CTNNA3: variants seen among roughly 807,000 people sequenced by gnomAD.
CTNNA3 encodes catenin alpha-3.
Under a neutral mutation model 95.7 loss-of-function variants are expected in CTNNA3, and 76 were observed. That is an observed-to-expected ratio of 0.79 (90% CI 0.66 to 0.96). The LOEUF (loss-of-function observed/expected upper bound fraction) is 0.96. CTNNA3 is among the 40% of genes least tolerant of loss of function. The pLI is 0.00. For synonymous variants in CTNNA3, 431 were observed against 374.4 expected (o/e 1.15, Z -1.74); for missense variants, 1,191 against 1,089.8 (o/e 1.09, Z -1.31).
At chr10:67,160,410 A>C (rs2394355) in intron 7 of CTNNA3, among the ~76,000 whole-genome samples, 41,348 of 148,764 alleles carry the variant, frequency 0.28, 6,670 homozygotes, top group Middle Eastern at 0.51. Flanking sequence ...GAAGAGATAT[A>C]TGCACTCTCA....
intron 4 of CTNNA3, among the ~76,000 whole-genome samples, chr10:67,522,553 C>G (rs1359831337): frequency 6.6e-6 from 1 of 151,952 alleles, no homozygotes; most frequent in African/African-American, 2.4e-5. Flanking sequence ...GTGGCATGTT[C>G]AGCAAACATT....
intron 7 of CTNNA3, among the ~76,000 whole-genome samples, chr10:67,179,189 T>C (rs187604424): frequency 6.6e-6 from 1 of 152,186 alleles, no homozygotes; most frequent in East Asian, 1.9e-4. Context: ...TACATGAATC[T>C]TGAATTCTTC....
Position 67,219,631 on chromosome 10 carries a change from C to T in CTNNA3, c.819G>A (p.Leu273=). The part of the protein sequence containing the change: ...TTPPEPQAAT[L]GSALDELENL... ...CCTCCAGCTCATCAAGGGCACTTCC[C>T]AGGGTTGCTGCCTGAGGTTCTGGTG... is the stretch of plus-strand genomic sequence containing the variant. The change falls in exon 6 of 18, where the codon CTG becomes CTA. Residue 273 remains leucine, a synonymous_variant. Coordinates refer to ENST00000433211, the MANE Select transcript of CTNNA3 (RefSeq NM_013266.4). The T allele has an allele frequency of 6.2e-7, 1 of 1,613,794 alleles. No homozygotes were observed. The highest frequency in any genetic ancestry group is 8.5e-7 in the Non-Finnish European group (1 of 1,179,802).
chr10:66,166,498 C>CA lies in CTNNA3; in HGVS notation c.1885-63250dup, dbSNP rs35165850. Among the ~76,000 whole-genome samples, 147 of 105,142 alleles carry CA rather than the reference C, an allele frequency of 1.4e-3. 1 individual carries two copies. Among genetic ancestry groups the CA allele is most frequent in the East Asian group, 9.8e-3 (36 of 3,688 alleles). 69.0% of individuals were successfully genotyped at this position (105,142 alleles called of 152,430 possible). A position where few individuals can be genotyped will look rare whatever the true frequency, so the allele number is the denominator to read the frequency against. Reference sequence around the variant, plus strand: ...TGGGGGACAGAGTGACAGTCTGTCTCAAAAAAAAAAAAAAAAAAAAGAAGA... The same window carrying CA: ...TGGGGGACAGAGTGACAGTCTGTCTCAAAAAAAAAAAAAAAAAAAAAGAAGA... On this transcript the variant is annotated intron_variant, in intron 13 of 17. Transcript: ENST00000433211.
chr10:66,234,504 A>G (rs908991219), intron 13 of CTNNA3, among the ~76,000 whole-genome samples: 1 of 152,200 alleles, frequency 6.6e-6, no homozygotes, highest in African/African-American at 2.4e-5. Flanking sequence ...TACGGTTGTT[A>G]TGCACCCCAC....
In CTNNA3 at chr10:67,133,280, A is replaced by C. The variant is rs75336881; in HGVS notation, c.1047+47037T>G. Among the ~76,000 whole-genome samples, 910 of 134,108 alleles carry C rather than the reference A, an allele frequency of 6.8e-3. 39 individuals carry two copies. In the East Asian group the frequency reaches 0.1, roughly 15 times the overall value. The allele number at this position is 134,108 out of a possible 152,430, so 88.0% of individuals were successfully genotyped here. On this transcript the variant is annotated intron_variant, in intron 7 of 17. Transcript: ENST00000433211. ...TTGATACCTAAATGCATAGTGTTCT[A>C]TAGCCTTAGCTAGAGCATATTGCCT... is the stretch of plus-strand genomic sequence containing the variant.
intron 14 of CTNNA3, among the ~76,000 whole-genome samples, chr10:66,088,831 A>T (rs1411268696): frequency 6.6e-6 from 1 of 152,096 alleles, no homozygotes; most frequent in Admixed American, 6.6e-5. Flanking sequence ...GACAACAATT[A>T]ACATACTTAC....
chr10:67,725,272 G>T (rs966365743), intron 1 of CTNNA3, among the ~76,000 whole-genome samples: 7 of 151,688 alleles, frequency 4.6e-5, no homozygotes, highest in Non-Finnish European at 1.0e-4. Context: ...CATCTCCCAG[G>T]GTCAGGCCAT....
intron 3 of CTNNA3, among the ~76,000 whole-genome samples, chr10:67,599,593 G>A (rs187041660): frequency 6.6e-6 from 1 of 152,116 alleles, no homozygotes; most frequent in Admixed American, 6.5e-5. Context: ...TTCACTGGAT[G>A]GATTTTAAAA....
At chr10:66,063,255 T>C (rs188891328) in intron 15 of CTNNA3, among the ~76,000 whole-genome samples, 3 of 146,422 alleles carry the variant, frequency 2.0e-5, no homozygotes, top group East Asian at 3.9e-4. Flanking sequence ...TAGATAGATC[T>C]ATATATAGAT....
intron 5 of CTNNA3, among the ~76,000 whole-genome samples, chr10:67,234,561 G>C (rs1357903719): frequency 6.6e-6 from 1 of 152,028 alleles, no homozygotes. Flanking sequence ...ATATCATACT[G>C]AATGGGCAAA....
intron 11 of CTNNA3, among the ~76,000 whole-genome samples, chr10:66,403,994 T>G (rs1188805186): frequency 6.6e-6 from 1 of 152,092 alleles, no homozygotes; most frequent in Non-Finnish European, 1.5e-5. Context: ...AATCGCTTAC[T>G]GATCAGGAGT....
intron 15 of CTNNA3, among the ~76,000 whole-genome samples, chr10:66,052,998 A>G (rs570765577): frequency 6.6e-6 from 1 of 152,224 alleles, no homozygotes; most frequent in African/African-American, 2.4e-5. Context: ...AAAGTACTGT[A>G]GAAGACCAAA....
intron 7 of CTNNA3, among the ~76,000 whole-genome samples, chr10:67,163,544 TC>T (rs1373176920): frequency 1.3e-5 from 2 of 151,954 alleles, no homozygotes. Flanking sequence ...CTGAAGGCTT[TC>T]CCCCTAAAAT....
Position 67,510,891 on chromosome 10 carries a change from T to C in CTNNA3, c.579+10951A>G, listed in dbSNP as rs542799690. 3.9e-5 allele frequency among the ~76,000 whole-genome samples: 6 copies of C among 152,302 alleles called. No homozygotes were observed. In the South Asian group the frequency reaches 1.0e-3, roughly 26 times the overall value. ...CTTGAGCAGTGGTTTGTAGTTCTCC[T>C]TGAAGAGGTCCTTCACATCCCTTGT... On this transcript the variant is annotated intron_variant, in intron 5 of 17. Transcript: ENST00000433211.
intron 5 of CTNNA3, among the ~76,000 whole-genome samples, chr10:67,351,295 C>T (rs534382083): frequency 6.6e-6 from 1 of 151,966 alleles, no homozygotes; most frequent in South Asian, 2.1e-4. Flanking sequence ...TAATGGGTTA[C>T]ATAACTCTAC....
intron 5 of CTNNA3, among the ~76,000 whole-genome samples, chr10:67,426,429 T>G (rs1451889466): frequency 3.9e-5 from 6 of 152,090 alleles, no homozygotes; most frequent in African/African-American, 1.2e-4. Flanking sequence ...AAGCAAATGA[T>G]GCTGTTTGTA....
chr10:67,072,257 T>A (rs750258134), intron 7 of CTNNA3, among the ~76,000 whole-genome samples: 21 of 152,172 alleles, frequency 1.4e-4, no homozygotes, highest in African/African-American at 5.1e-4. Flanking sequence ...CCCAACCTGT[T>A]TGATTATTTT....
At chr10:66,683,283 G>A (rs1231873472) in intron 9 of CTNNA3, among the ~76,000 whole-genome samples, 1 of 152,084 alleles carries the variant, frequency 6.6e-6, no homozygotes, top group Non-Finnish European at 1.5e-5. Context: ...AATAAAGCTG[G>A]GATGTATGAA....
Sources: gnomAD v4.1 joint callset for allele counts (sites outside exome capture counted in the v4.1 genomes callset) on GRCh38, gnomAD v4.1.1 for gene constraint, MANE v1.5 for transcripts, NCBI Gene and HGNC (gene_info 2026-07-23, HGNC 2026-07-21) for gene names.